The following CHURC1 variants were observed in gnomAD, a reference collection of about 807,000 sequenced individuals.
CHURC1 encodes churchill domain containing 1, also known as protein Churchill.
CHURC1 carries 12 observed loss-of-function variants against 15.4 expected under a neutral mutation model. The ratio of observed to expected loss-of-function variants is 0.78; its 90% CI spans 0.50 to 1.27. The LOEUF (loss-of-function observed/expected upper bound fraction) is 1.27, where lower values mean the gene tolerates loss of function less well. Ranked by LOEUF, CHURC1 falls within the 50% of genes most tolerant of loss-of-function variation. The probability of loss-of-function intolerance (pLI) is 0.00; values close to 1 mark genes in which losing one functional copy is unlikely to be tolerated. For missense variants in CHURC1, 132 were observed against 137.8 expected (o/e 0.96, Z 0.21); for synonymous variants, 42 against 47.5 (o/e 0.88, Z 0.48).
At chr14:64,916,886 G>T (rs1594887935) in intron 1 of CHURC1, among the ~76,000 whole-genome samples, 1 of 152,140 alleles carries the variant, frequency 6.6e-6, no homozygotes, top group African/African-American at 2.4e-5. Context: ...CCTTAGGTTG[G>T]ATTCTTAAGA....
chr14:64,919,854 A>G (rs1245068781), intron 1 of CHURC1, among the ~76,000 whole-genome samples: 5 of 151,954 alleles, frequency 3.3e-5, no homozygotes, highest in African/African-American at 1.2e-4. Context: ...ACAGCATTCC[A>G]GCCTGGGTGA....
intron 1 of CHURC1, among the ~76,000 whole-genome samples, chr14:64,914,787 C>T (rs1003683821): frequency 2.0e-5 from 3 of 152,230 alleles, no homozygotes; most frequent in Non-Finnish European, 4.4e-5. Context: ...AACCCCACCA[C>T]CACCACAACC....
intron 3 of CHURC1, 33 bp from the exon 4 acceptor site, chr14:64,932,105 C>G: frequency 6.3e-7 from 1 of 1,592,142 alleles, no homozygotes; most frequent in Non-Finnish European, 8.6e-7. Flanking sequence ...TTCCCTGTTC[C>G]TCTAGGTAAT....
At chr14:64,916,376 G>A (rs1169797831) in intron 1 of CHURC1, among the ~76,000 whole-genome samples, 1 of 152,086 alleles carries the variant, frequency 6.6e-6, no homozygotes, top group Non-Finnish European at 1.5e-5. Context: ...CTTGATTTGG[G>A]TGGTGGTTCT....
Position 64,932,511 on chromosome 14 carries a change from G to T in CHURC1, c.*281G>T. ...CAACTAGAATGGGAGCACACCTGGT[G>T]CCCAGATTTTGGTTTCCAATAAAAG... On this transcript the variant is annotated 3_prime_UTR_variant, in exon 4 of 4. Transcript: ENST00000549115. The T allele has an allele frequency of 1.8e-6, 2 of 1,096,484 alleles. No homozygotes were observed. Among genetic ancestry groups the T allele is most frequent in the East Asian group, 5.7e-5 (1 of 17,680 alleles). The allele number at this position is 1,096,484 out of a possible 1,614,324, so 67.9% of individuals were successfully genotyped here. A position where few individuals can be genotyped will look rare whatever the true frequency, so the allele number is the denominator to read the frequency against.
intron 1 of CHURC1, among the ~76,000 whole-genome samples, chr14:64,918,097 A>G (rs538731104): frequency 4.2e-4 from 64 of 152,378 alleles, no homozygotes; most frequent in African/African-American, 1.4e-3. Context: ...AACTTCAGAA[A>G]TGAAAATAAA....
intron 3 of CHURC1, among the ~76,000 whole-genome samples, chr14:64,928,669 A>G (rs1398925314): frequency 1.4e-5 from 2 of 146,044 alleles, no homozygotes; most frequent in Non-Finnish European, 3.0e-5. Flanking sequence ...TAATCTAACC[A>G]CATCCTGTGA....
chr14:64,920,774 T>C (rs911017999), intron 1 of CHURC1, among the ~76,000 whole-genome samples: 1 of 152,262 alleles, frequency 6.6e-6, no homozygotes, highest in Admixed American at 6.5e-5. Context: ...TTTTAAAAAC[T>C]GTTTTGTTTT....
chr14:64,922,834 A>G (rs1212628826), intron 1 of CHURC1, among the ~76,000 whole-genome samples: 2 of 152,086 alleles, frequency 1.3e-5, no homozygotes, highest in African/African-American at 4.8e-5. Flanking sequence ...CTCAATACAT[A>G]GAAGGGAGAG....
chr14:64,931,576 A>G (rs186916465), intron 3 of CHURC1, among the ~76,000 whole-genome samples: 2 of 152,006 alleles, frequency 1.3e-5, no homozygotes, highest in South Asian at 2.1e-4. Context: ...GTTTTTGCCT[A>G]AAACAAAATC....
At chr14:64,917,160 C>T (rs772956990) in intron 1 of CHURC1, among the ~76,000 whole-genome samples, 2 of 152,142 alleles carry the variant, frequency 1.3e-5, no homozygotes, top group Non-Finnish European at 2.9e-5. Context: ...AGGTTGGGCA[C>T]GGTTCTCACA....
chr14:64,915,260 A>G (rs865934666), intron 1 of CHURC1, among the ~76,000 whole-genome samples: 1 of 152,254 alleles, frequency 6.6e-6, no homozygotes, highest in Non-Finnish European at 1.5e-5. Context: ...GGCCTCCGAA[A>G]GTGCTGGGAT....
intron 1 of CHURC1, among the ~76,000 whole-genome samples, chr14:64,923,187 A>G (rs1404161346): frequency 2.7e-5 from 4 of 149,452 alleles, no homozygotes; most frequent in African/African-American, 7.4e-5. Context: ...TAATCCCAAT[A>G]CTTGGGAGGC....
intron 3 of CHURC1, among the ~76,000 whole-genome samples, chr14:64,927,017 C>T (rs978741736): frequency 1.3e-5 from 2 of 152,118 alleles, no homozygotes; most frequent in Non-Finnish European, 2.9e-5. Flanking sequence ...ACATATTTGT[C>T]CATAGGATAT....
chr14:64,919,909 A>G (rs182803074), intron 1 of CHURC1, among the ~76,000 whole-genome samples: 11 of 151,722 alleles, frequency 7.3e-5, no homozygotes, highest in African/African-American at 2.7e-4. Context: ...GAAAAAGACA[A>G]TGGAAAAAAA....
intron 3 of CHURC1, among the ~76,000 whole-genome samples, chr14:64,930,069 T>C (rs1450559562): frequency 2.0e-5 from 3 of 148,636 alleles, no homozygotes; most frequent in African/African-American, 5.0e-5. Context: ...CAGGGACTAA[T>C]AGAGGAAGAG....
intron 1 of CHURC1, among the ~76,000 whole-genome samples, chr14:64,918,707 A>G (rs1177361170): frequency 2.0e-5 from 3 of 152,118 alleles, no homozygotes; most frequent in African/African-American, 4.8e-5. Context: ...GTGTGTGCCT[A>G]TAGTTCCACC....
chr14:64,917,926 T>C (rs1884005499), intron 1 of CHURC1, among the ~76,000 whole-genome samples: 1 of 152,196 alleles, frequency 6.6e-6, no homozygotes, highest in African/African-American at 2.4e-5. Flanking sequence ...ATGCTTCACC[T>C]GAGGTTGAGA....
At chr14:64,929,538 G>C (rs1055899122) in intron 3 of CHURC1, among the ~76,000 whole-genome samples, 1 of 151,972 alleles carries the variant, frequency 6.6e-6, no homozygotes, top group Non-Finnish European at 1.5e-5. Flanking sequence ...CCTGGCAGTA[G>C]TTCAAGTTCA....
Sources: gnomAD v4.1 joint callset for allele counts (sites outside exome capture counted in the v4.1 genomes callset) on GRCh38, gnomAD v4.1.1 for gene constraint, MANE v1.5 for transcripts, NCBI Gene and HGNC (gene_info 2026-07-23, HGNC 2026-07-21) for gene names.